The following GABRB2 variants were observed in gnomAD, a reference collection of about 807,000 sequenced individuals.
GABRB2 encodes the protein gamma-aminobutyric acid receptor subunit beta-2.
A neutral mutation model predicts 54.7 loss-of-function variants in GABRB2; 16 were observed. The observed-to-expected ratio is 0.29, with a 90% confidence interval of 0.20 to 0.44. The LOEUF is 0.44. Ranked by LOEUF, GABRB2 falls within the 20% of genes least tolerant of loss-of-function variation. GABRB2 has a pLI of 1.00. For synonymous variants in GABRB2, 244 were observed against 233.8 expected (o/e 1.04, Z -0.40); for missense variants, 355 against 644.0 (o/e 0.55, Z 4.86).
At chr5:161,467,306 G>C (rs975950280) in intron 3 of GABRB2, among the ~76,000 whole-genome samples, 8 of 152,158 alleles carry the variant, frequency 5.3e-5, no homozygotes, top group Non-Finnish European at 7.4e-5. Flanking sequence ...ATTACCGCTT[G>C]TTGAAAGAAC....
Position 161,294,225 on chromosome 5 carries a change from A to G in GABRB2, c.1395T>C (p.Ser465=), listed in dbSNP as rs776065902. 6.2e-7 allele frequency: 1 copy of G among 1,614,134 alleles called. No homozygotes were observed. Among genetic ancestry groups the G allele is most frequent in the Non-Finnish European group, 8.5e-7 (1 of 1,180,004 alleles). Residue 465 remains serine (S), a synonymous_variant, in exon 10 of 10, where the codon AGT becomes AGC. Transcript: ENST00000393959. ...ALERHVAQKK[S]RLRRRASQLK... ...GTTGGGAGGCGCGTCTCCTCAGGCG[A>G]CTTTTCTTTTGCGCCACATGTCGTT... is the stretch of plus-strand genomic sequence containing the variant.
chr5:161,441,610 C>G (rs372336680), intron 4 of GABRB2, among the ~76,000 whole-genome samples: 2 of 152,194 alleles, frequency 1.3e-5, no homozygotes, highest in East Asian at 1.9e-4. Context: ...TGGGTATATA[C>G]GCAAAGGAGG....
chr5:161,509,283 T>A (rs1331209692), intron 3 of GABRB2, among the ~76,000 whole-genome samples: 1 of 152,038 alleles, frequency 6.6e-6, no homozygotes, highest in East Asian at 1.9e-4. Context: ...ATAAAAAAGC[T>A]TTCCACTAAT....
intron 3 of GABRB2, among the ~76,000 whole-genome samples, chr5:161,474,421 G>A (rs1758536192): frequency 6.6e-6 from 1 of 151,518 alleles, no homozygotes; most frequent in Non-Finnish European, 1.5e-5. Flanking sequence ...TACAGTGCGG[G>A]GCCTAATTTT....
At chr5:161,503,569 A>G (rs533856501) in intron 3 of GABRB2, among the ~76,000 whole-genome samples, 1 of 152,130 alleles carries the variant, frequency 6.6e-6, no homozygotes, top group Non-Finnish European at 1.5e-5. Context: ...TTAGCCGGGC[A>G]TGGTGGTGCA....
Position 161,543,767 on chromosome 5 carries a change from T to C in GABRB2, c.237+1460A>G, listed in dbSNP as rs76368081. ...TTCAAATTCACCAAAAGTGAATATT[T>C]GTATATCTGAGAAATTAAATACTAT... On this transcript the variant is annotated intron_variant, in intron 3 of 9. Transcript: ENST00000393959. Among the ~76,000 whole-genome samples, 1,178 of 152,338 alleles carry C rather than the reference T, an allele frequency of 7.7e-3. 14 individuals are homozygous for C. Among genetic ancestry groups the C allele is most frequent in the African/African-American group, 0.027 (1,103 of 41,568 alleles).
At chr5:161,545,365 G>T in intron 2 of GABRB2, 71 bp from the exon 3 acceptor site, 1 of 1,165,988 alleles carries the variant, frequency 8.6e-7, no homozygotes, top group Non-Finnish European at 1.2e-6. Context: ...TTATCCCTGA[G>T]CATAAGACAC....
chr5:161,414,828 C>T (rs1415948048), intron 4 of GABRB2, among the ~76,000 whole-genome samples: 4 of 151,856 alleles, frequency 2.6e-5, no homozygotes, highest in African/African-American at 7.3e-5. Flanking sequence ...GATTTTGATG[C>T]AATTATCTAT....
intron 5 of GABRB2, among the ~76,000 whole-genome samples, chr5:161,376,852 T>C (rs7444072): frequency 0.066 from 10,033 of 151,880 alleles, 462 homozygotes; most frequent in Middle Eastern, 0.088. Context: ...AGAAAATAAA[T>C]ATGTACCCTG....
intron 4 of GABRB2, among the ~76,000 whole-genome samples, chr5:161,411,638 C>T (rs967197623): frequency 3.2e-4 from 49 of 152,164 alleles, no homozygotes; most frequent in Non-Finnish European, 5.9e-4. Flanking sequence ...TCATGATCCC[C>T]TAGACAATAT....
intron 7 of GABRB2, among the ~76,000 whole-genome samples, chr5:161,332,618 T>C (rs1753884375): frequency 6.6e-6 from 1 of 152,132 alleles, no homozygotes. Context: ...TAGACAAAGC[T>C]CAGAGGTCAA....
intron 5 of GABRB2, among the ~76,000 whole-genome samples, chr5:161,379,553 C>T (rs1474996679): frequency 6.6e-6 from 1 of 152,196 alleles, no homozygotes; most frequent in East Asian, 1.9e-4. Flanking sequence ...ATAATACATT[C>T]TCAAATTTCA....
At position 161,424,601 on chromosome 5, in the gene GABRB2, G is replaced by T. The variant is rs912698376; in HGVS notation, c.459-13544C>A. Among the ~76,000 whole-genome samples, 3 of 152,174 alleles carry T rather than the reference G, an allele frequency of 2.0e-5. No homozygotes were observed. In the South Asian group the frequency reaches 6.2e-4, roughly 32 times the overall value. On this transcript the variant is annotated intron_variant, in intron 4 of 9. Transcript: ENST00000393959. Reference sequence around the variant, plus strand: ...AGAAAACATAGGTTCCTTTCAAAATGTTACCCTTCATTGACAATGCACCTG... The same window carrying T: ...AGAAAACATAGGTTCCTTTCAAAATTTTACCCTTCATTGACAATGCACCTG...
intron 4 of GABRB2, among the ~76,000 whole-genome samples, chr5:161,456,056 C>A (rs745587419): frequency 6.6e-6 from 1 of 152,126 alleles, no homozygotes; most frequent in Non-Finnish European, 1.5e-5. Context: ...CTTTGTTTGT[C>A]TTAATGGGAA....
At chr5:161,499,478 G>C (rs1189710197) in intron 3 of GABRB2, among the ~76,000 whole-genome samples, 1 of 152,026 alleles carries the variant, frequency 6.6e-6, no homozygotes, top group Non-Finnish European at 1.5e-5. Context: ...AACACCCAAC[G>C]GTTTAAGATT....
chr5:161,467,451 G>T (rs1758312586), intron 3 of GABRB2, among the ~76,000 whole-genome samples: 1 of 152,064 alleles, frequency 6.6e-6, no homozygotes, highest in Admixed American at 6.6e-5. Context: ...AAAAATCTGT[G>T]ATTTGGAAAC....
intron 4 of GABRB2, among the ~76,000 whole-genome samples, chr5:161,418,940 A>G (rs1054107744): frequency 2.0e-5 from 3 of 152,158 alleles, no homozygotes; most frequent in South Asian, 4.1e-4. Flanking sequence ...CAGCGGGGGA[A>G]GCATGGCAAA....
chr5:161,425,429 G>A (rs1406749514), intron 4 of GABRB2, among the ~76,000 whole-genome samples: 2 of 151,976 alleles, frequency 1.3e-5, no homozygotes, highest in African/African-American at 4.8e-5. Context: ...TAAACATCAA[G>A]GCAAGGCTCC....
At chr5:161,529,333 C>T (rs534102396) in intron 3 of GABRB2, among the ~76,000 whole-genome samples, 3 of 151,920 alleles carry the variant, frequency 2.0e-5, no homozygotes, top group Non-Finnish European at 4.4e-5. Context: ...AGCTGGCATG[C>T]TGACTACTAA....
Sources: gnomAD v4.1 joint callset for allele counts (sites outside exome capture counted in the v4.1 genomes callset) on GRCh38, gnomAD v4.1.1 for gene constraint, MANE v1.5 for transcripts, NCBI Gene and HGNC (gene_info 2026-07-23, HGNC 2026-07-21) for gene names.